Variants in RNF123 observed in about 807,000 individuals in gnomAD.
RNF123 encodes ring finger protein 123.
RNF123 carries 86 observed loss-of-function variants against 168.5 expected under a neutral mutation model. The observed-to-expected ratio is 0.51, with a 90% CI of 0.43 to 0.61. The LOEUF (loss-of-function observed/expected upper bound fraction) is 0.61, where lower values mean the gene tolerates loss of function less well. Ranked by LOEUF, RNF123 falls within the 20% of genes least tolerant of loss-of-function variation. The pLI is 0.00. For synonymous variants in RNF123, 666 were observed against 689.1 expected, an observed-to-expected ratio of 0.97 and a Z score of 0.52; for missense variants, 1,419 against 1,729.7, an observed-to-expected ratio of 0.82 and a Z score of 3.19.
At chr3:49,718,785 G>A in intron 35 of RNF123, 1 of 1,613,252 alleles carries the variant, frequency 6.2e-7, no homozygotes, top group African/African-American at 1.3e-5. Context: ...GCAGGTGGTA[G>A]AGGCGGCAGT....
Position 49,700,319 on chromosome 3 carries a change from C to T in RNF123, c.1077C>T (p.His359=), listed in dbSNP as rs2054354772. 3.1e-6 allele frequency: 5 copies of T among 1,614,226 alleles called. No homozygotes were observed. Among genetic ancestry groups the T allele is most frequent in the Non-Finnish European group, 4.2e-6 (5 of 1,180,032 alleles). ...GTPTQAQSVV[H]QVLDLLWLFM... ...CCACACAGGCACAGTCCGTGGTGCA[C>T]CAGGTCCTGGACCTCTTGTGGCTCT... The change falls in exon 13 of 39, where the codon CAC becomes CAT. Residue 359 remains histidine (H), a synonymous_variant. Transcript: ENST00000327697.
Position 49,720,797 on chromosome 3 carries a change from C to T in RNF123, c.3644-3C>T, listed in dbSNP as rs1397766843. 1 of 1,614,042 alleles carries T rather than the reference C, an allele frequency of 6.2e-7. No homozygotes were observed. The highest frequency in any genetic ancestry group is 2.2e-5 in the East Asian group (1 of 44,898). On this transcript the variant is annotated splice_polypyrimidine_tract_variant and splice_region_variant and intron_variant, in intron 36 of 38. Transcript: ENST00000327697. ...TGACTTGACACTACCTACCACTCCCCAGATGCGGATTATATCAGTGCCGAT... is the reference window on the plus strand; with the variant it reads ...TGACTTGACACTACCTACCACTCCCTAGATGCGGATTATATCAGTGCCGAT...
rs2054505823 is a variant in RNF123 at position 49,705,851 on chromosome 3, CTG to C, written c.2305-129_2305-128del. ...CTGCTGCCTCAGTCTGACCTGCTGA[CTG>C]TTGTGGGAATGGGACCGCCCTGGGC... is the stretch of plus-strand genomic sequence containing the variant. On this transcript the variant is annotated intron_variant, in intron 24 of 38. Coordinates refer to ENST00000327697, the MANE Select transcript of RNF123 (RefSeq NM_022064.5). The C allele has an allele frequency of 1.2e-5, 17 of 1,427,566 alleles. No homozygotes were observed. The Admixed American group carries it at 1.8e-4, about 15-fold the overall frequency. 88.4% of individuals were successfully genotyped at this position (1,427,566 alleles called of 1,614,324 possible). A position where few individuals can be genotyped will look rare whatever the true frequency, so the allele number is the denominator to read the frequency against.
In RNF123 at chr3:49,720,644, C is replaced by T. The variant is rs1253500082; in HGVS notation, c.3634C>T (p.Leu1212=). Reference sequence around the variant, plus strand: ...AGCCCCTGACCGGAAGCGCTTCTCCCTGCAGAGCTGTGAGTGGGCTGGTGG... The same window carrying T: ...AGCCCCTGACCGGAAGCGCTTCTCCTTGCAGAGCTGTGAGTGGGCTGGTGG... ...LPAPDRKRFS[L]QSYADYISAD... is the part of the protein sequence containing the mutation. Residue 1212 remains leucine (L), a synonymous_variant, in exon 36 of 39, where the codon CTG becomes TTG. Coordinates refer to ENST00000327697, the MANE Select transcript of RNF123 (RefSeq NM_022064.5). 1 of 1,599,752 alleles carries T rather than the reference C, an allele frequency of 6.3e-7. No individual in the cohort carries two copies. Among genetic ancestry groups the T allele is most frequent in the Non-Finnish European group, 8.5e-7 (1 of 1,170,168 alleles).
intron 7 of RNF123, 77 bp from the exon 8 acceptor site, chr3:49,698,363 C>A: frequency 8.0e-7 from 1 of 1,251,366 alleles, no homozygotes; most frequent in South Asian, 1.2e-5. Context: ...CCATATGCAT[C>A]CAAGGCTGGT....
chr3:49,706,362 G>A (rs2054519338), intron 25 of RNF123, among the ~76,000 whole-genome samples: 2 of 152,242 alleles, frequency 1.3e-5, no homozygotes, highest in South Asian at 4.1e-4. Context: ...GCAGGAAGCA[G>A]GGCCTGGCTC....
intron 17 of RNF123, 43 bp from the exon 18 acceptor site, chr3:49,702,040 A>G (rs201567126): frequency 1.9e-6 from 3 of 1,603,990 alleles, no homozygotes; most frequent in Non-Finnish European, 1.7e-6. Flanking sequence ...CCTGCCCCCC[A>G]TCTCCTGGAG....
chr3:49,695,909 G>T (rs998018780), intron 3 of RNF123, among the ~76,000 whole-genome samples: 1 of 152,180 alleles, frequency 6.6e-6, no homozygotes, highest in Non-Finnish European at 1.5e-5. Context: ...GAGGATGAGG[G>T]GGCCACCCAG....
chr3:49,707,953 T>C (rs1386617466), intron 26 of RNF123, among the ~76,000 whole-genome samples: 2 of 152,106 alleles, frequency 1.3e-5, no homozygotes, highest in Non-Finnish European at 2.9e-5. Flanking sequence ...TGACATAAAA[T>C]GTACCATCCT....
intron 35 of RNF123, chr3:49,719,055 C>CGA (rs750209485): frequency 6.2e-7 from 1 of 1,613,864 alleles, no homozygotes. Context: ...ACAGAAGCAG[C>CGA]TTCTCCAGCG....
intron 24 of RNF123, 122 bp downstream of exon 24, chr3:49,705,801 G>A: frequency 6.6e-7 from 1 of 1,507,994 alleles, no homozygotes; most frequent in African/African-American, 1.4e-5. Context: ...GGGAGCACAT[G>A]CCTCAGCGAG....
chr3:49,712,954 A>C, intron 27 of RNF123: 2 of 702,796 alleles, frequency 2.8e-6, no homozygotes, highest in East Asian at 5.4e-5. Flanking sequence ...GCCATGGTCC[A>C]GGAGCCAGCT....
At chr3:49,691,309 G>A (rs1442840213) in intron 2 of RNF123, 62 bp downstream of exon 2, 2 of 1,590,982 alleles carry the variant, frequency 1.3e-6, no homozygotes, top group Non-Finnish European at 1.7e-6. Flanking sequence ...AGGGACAAAG[G>A]CCTCAGGCCT....
intron 31 of RNF123, among the ~76,000 whole-genome samples, chr3:49,714,921 C>T (rs190990707): frequency 1.3e-5 from 2 of 152,370 alleles, no homozygotes; most frequent in Non-Finnish European, 2.9e-5. Context: ...CAAGTCCTTG[C>T]CAATTGCCGT....
chr3:49,705,677 A>G lies in RNF123; in HGVS notation c.2302A>G (p.Lys768Glu). 1 of 1,614,020 alleles carries G rather than the reference A, an allele frequency of 6.2e-7. No homozygotes were observed. The highest frequency in any genetic ancestry group is 8.5e-7 in the Non-Finnish European group (1 of 1,180,000). The change falls in exon 24 of 39, where the codon AAG becomes GAG. Residue 768 changes from lysine (K) to glutamate (E), a missense_variant and splice_region_variant. Physicochemically the swap from Lys to Glu is moderately conservative, Grantham distance 56 (BLOSUM62 1). Around this residue, in one of 5 missense-constraint regions of RNF123, gnomAD observed 538 missense variants for 708.8 expected, o/e 0.76. Coordinates refer to ENST00000327697, the MANE Select transcript of RNF123 (RefSeq NM_022064.5). ...YNLSVHQQLG[K>E]MVGVSDDVNE... ...CCTCAGCGTACACCAGCAGCTGGGCAAGGTCGTGCACTCTTGGACCCCGCA... is the reference window on the plus strand; with the variant it reads ...CCTCAGCGTACACCAGCAGCTGGGCGAGGTCGTGCACTCTTGGACCCCGCA...
rs1468648434 is a variant in RNF123 at position 49,705,021 on chromosome 3, C to G, written c.1997C>G (p.Pro666Arg). 6.2e-7 allele frequency: 1 copy of G among 1,609,264 alleles called. No homozygotes were observed. Among genetic ancestry groups the G allele is most frequent in the East Asian group, 2.2e-5 (1 of 44,782 alleles). ...GCCCTGGCTGTTGGGGGGCCACTGC[C>G]CCTGCCCCGGCCCGGCTGGCTCAGT... ...MQALAVGGPL[P>R]LPRPGWLSSP... The change falls in exon 23 of 39, where the codon CCC (proline) becomes CGC (arginine). Residue 666 changes from proline to arginine, a missense_variant. This residue lies in a region of RNF123 where 538 missense variants were observed against 708.8 expected (regional missense o/e 0.76). Transcript: ENST00000327697.
At chr3:49,693,097 G>T (rs1310207186) in intron 3 of RNF123, among the ~76,000 whole-genome samples, 1 of 148,730 alleles carries the variant, frequency 6.7e-6, no homozygotes, top group Non-Finnish European at 1.5e-5. Context: ...TGCCCAGGCT[G>T]GAGTGCAGGG....
chr3:49,712,677 G>A, intron 27 of RNF123, 21 bp downstream of exon 27: 2 of 1,613,998 alleles, frequency 1.2e-6, no homozygotes, highest in Non-Finnish European at 1.7e-6. Flanking sequence ...CATTCAGGCT[G>A]AGGCAGAAGC....
rs1301434453 is a variant in RNF123 at position 49,713,754 on chromosome 3, G to A, written c.2766G>A (p.Leu922=). Residue 922 remains leucine, a synonymous_variant, in exon 29 of 39, where the codon CTG becomes CTA. Transcript: ENST00000327697. The stretch of plus-strand genomic sequence containing the variant: ...TCCCCGCAGACATCCGAGACTCACT[G>A]ATGCAGGCCCTGGCCAGCTACGTGT... ...RIVGTDIRDS[L]MQALASYVCY... is the part of the protein sequence containing the mutation. 3.7e-6 allele frequency: 6 copies of A among 1,605,624 alleles called. No individual in the cohort carries two copies. Among genetic ancestry groups the A allele is most frequent in the Non-Finnish European group, 5.1e-6 (6 of 1,176,474 alleles).
Sources: gnomAD v4.1 joint callset for allele counts (sites outside exome capture counted in the v4.1 genomes callset) on GRCh38, gnomAD v4.1.1 for gene constraint, gnomAD v4.1.1 regional missense constraint, MANE v1.5 for transcripts, NCBI Gene and HGNC (gene_info 2026-07-23, HGNC 2026-07-21) for gene names.